UFL1: variants seen among roughly 807,000 people sequenced by gnomAD.
UFL1 encodes E3 UFM1-protein ligase 1.
In UFL1, 78 loss-of-function variants were observed where a neutral mutation model predicts 99.3. The ratio of observed to expected loss-of-function variants is 0.79; its 90% CI spans 0.65 to 0.95. The LOEUF (loss-of-function observed/expected upper bound fraction) is 0.95, where lower values mean the gene tolerates loss of function less well. Ranked by LOEUF, UFL1 falls within the 40% of genes least tolerant of loss-of-function variation. The pLI is 0.00. For synonymous variants in UFL1, 335 were observed against 322.2 expected, an observed-to-expected ratio of 1.04 and a Z score of -0.42; for missense variants, 936 against 937.0, an observed-to-expected ratio of 1.00 and a Z score of 0.01.
intron 6 of UFL1, among the ~76,000 whole-genome samples, chr6:96,529,382 C>A (rs1208091306): frequency 6.6e-6 from 1 of 152,116 alleles, no homozygotes; most frequent in African/African-American, 2.4e-5. Context: ...TTAAAGTGAA[C>A]CTTCTCAACA....
At chr6:96,543,452 G>A (rs1294619635) in intron 12 of UFL1, among the ~76,000 whole-genome samples, 2 of 151,172 alleles carry the variant, frequency 1.3e-5, no homozygotes, top group Admixed American at 1.3e-4. Context: ...TACAGAAATG[G>A]ATAATCAAAA....
In UFL1 at chr6:96,528,642, T is replaced by G; in HGVS notation, c.596+10T>G. On this transcript the variant is annotated intron_variant, in intron 6 of 18. Transcript: ENST00000369278. ...TCAGTGCTATTACCCGGTAAGTATA[T>G]TTTAAAGTATATATATTTGCACATT... 6.2e-7 allele frequency: 1 copy of G among 1,605,038 alleles called. No homozygotes were observed. Among genetic ancestry groups the G allele is most frequent in the East Asian group, 2.2e-5 (1 of 44,794 alleles).
In UFL1 at chr6:96,549,405, T is replaced by C; in HGVS notation, c.1521-7T>C. 6.3e-7 allele frequency: 1 copy of C among 1,584,042 alleles called. No homozygotes were observed. The highest frequency in any genetic ancestry group is 1.2e-5 in the South Asian group (1 of 85,210). On this transcript the variant is annotated splice_polypyrimidine_tract_variant and splice_region_variant and intron_variant, in intron 13 of 18. Transcript: ENST00000369278. The stretch of plus-strand genomic sequence containing the variant: ...TAATAAACTAAATATATTTGTCTTA[T>C]GCACAGACCTCTTAATAAAACTTAT...
chr6:96,534,404 C>T, intron 7 of UFL1, 83 bp downstream of exon 7: 2 of 1,114,376 alleles, frequency 1.8e-6, no homozygotes, highest in South Asian at 3.6e-5. Flanking sequence ...AATGTTTTTT[C>T]CTCTTTTATT....
chr6:96,526,665 C>G (rs1232451905), intron 5 of UFL1, among the ~76,000 whole-genome samples: 3 of 152,134 alleles, frequency 2.0e-5, no homozygotes, highest in Non-Finnish European at 4.4e-5. Context: ...CCAAGAGACA[C>G]CCTAAAACTA....
At chr6:96,537,724 C>T (rs1401726834) in intron 9 of UFL1, among the ~76,000 whole-genome samples, 175 bp downstream of exon 9, 1 of 151,792 alleles carries the variant, frequency 6.6e-6, no homozygotes, top group Non-Finnish European at 1.5e-5. Context: ...TGACCTTCTA[C>T]ATGTGGACAG....
At chr6:96,530,460 T>C (rs970371514) in intron 6 of UFL1, among the ~76,000 whole-genome samples, 4 of 152,214 alleles carry the variant, frequency 2.6e-5, no homozygotes, top group Non-Finnish European at 5.9e-5. Context: ...TTGTTTTCCT[T>C]TGTAACTAAT....
chr6:96,537,143 C>T (rs905103221), intron 8 of UFL1, among the ~76,000 whole-genome samples: 5 of 151,670 alleles, frequency 3.3e-5, no homozygotes, highest in African/African-American at 2.4e-5. Flanking sequence ...TTTTTCCTTA[C>T]GTTTTCTTGA....
chr6:96,534,231 A>C, intron 6 of UFL1, 32 bp from the exon 7 acceptor site: 1 of 1,361,010 alleles, frequency 7.3e-7, no homozygotes, highest in Non-Finnish European at 9.9e-7. Flanking sequence ...ATAATGAGTA[A>C]GAAGTTTTTT....
Position 96,536,294 on chromosome 6 carries a change from G to T in UFL1, c.706G>T (p.Gly236Cys), listed in dbSNP as rs1769852127. The T allele has an allele frequency of 1.2e-6, 2 of 1,610,960 alleles. No individual in the cohort carries two copies. The highest frequency in any genetic ancestry group is 2.7e-5 in the African/African-American group (2 of 74,774). The change falls in exon 8 of 19, where the codon GGT (glycine) becomes TGT (cysteine). Residue 236 changes from glycine (G) to cysteine (C), a missense_variant. Coordinates refer to ENST00000369278, the MANE Select transcript of UFL1 (RefSeq NM_015323.5). ...CGGACGCTTACGAGGCACTGTGGTT[G>T]GTGGGAGACAGGATAAAGCTGTGTT... Reference protein sequence around the residue: ...NSGRLRGTVVGGRQDKAVFVP... With the variant: ...NSGRLRGTVVCGRQDKAVFVP...
At position 96,528,365 on chromosome 6, in the gene UFL1, G is replaced by T. The variant is rs1769731888; in HGVS notation, c.466-137G>T. The T allele has an allele frequency of 1.7e-5, 17 of 1,029,586 alleles. No homozygotes were observed. In the South Asian group the frequency reaches 3.3e-4, roughly 20 times the overall value. 63.8% of individuals were successfully genotyped at this position (1,029,586 alleles called of 1,614,324 possible). A position where few individuals can be genotyped will look rare whatever the true frequency, so the allele number is the denominator to read the frequency against. ...ATCTTCACTTTAGTTGATATATCTTGTAATCTATGCTTGTTGAAACTTCTC... is the reference window on the plus strand; with the variant it reads ...ATCTTCACTTTAGTTGATATATCTTTTAATCTATGCTTGTTGAAACTTCTC... On this transcript the variant is annotated intron_variant, in intron 5 of 18. Transcript: ENST00000369278.
At position 96,524,127 on chromosome 6, in the gene UFL1, T is replaced by C. The variant is rs1265041036; in HGVS notation, c.224-255T>C. On this transcript the variant is annotated intron_variant, in intron 2 of 18. Coordinates refer to ENST00000369278, the MANE Select transcript of UFL1 (RefSeq NM_015323.5). The stretch of plus-strand genomic sequence containing the variant: ...AATACCCTTCATAGATAGAGCCAAT[T>C]TGTGTGCCAGTTGGTGCTCATAATT... Among the ~76,000 whole-genome samples, 17 of 152,116 alleles carry C rather than the reference T, an allele frequency of 1.1e-4. No homozygotes were observed. In the East Asian group the frequency reaches 2.5e-3, roughly 22 times the overall value.
chr6:96,548,483 A>C (rs1246828281), intron 13 of UFL1, among the ~76,000 whole-genome samples: 1 of 151,596 alleles, frequency 6.6e-6, no homozygotes, highest in Non-Finnish European at 1.5e-5. Flanking sequence ...GCTTTGGGTA[A>C]AGCAGTATGG....
In UFL1 at chr6:96,553,475, C is replaced by G. The variant is rs756335886; in HGVS notation, c.2357C>G (p.Ser786Cys). 1 of 1,613,506 alleles carries G rather than the reference C, an allele frequency of 6.2e-7. No individual in the cohort carries two copies. The highest frequency in any genetic ancestry group is 8.5e-7 in the Non-Finnish European group (1 of 1,179,690). The change falls in exon 19 of 19, where the codon TCT becomes TGT. Residue 786 changes from serine to cysteine, a missense_variant. By Grantham distance (112) the Ser-to-Cys change is moderately radical (BLOSUM62 -1). Transcript: ENST00000369278. Reference protein sequence around the residue: ...SSSIKDLVLKSRKSSVTEE With the variant: ...SSSIKDLVLKCRKSSVTEE ...TCCATTAAAGACCTTGTTCTCAAAT[C>G]TAGGAAATCATCTGTGACGGAAGAG...
intron 11 of UFL1, 46 bp downstream of exon 11, chr6:96,540,701 C>T: frequency 6.4e-7 from 1 of 1,570,142 alleles, no homozygotes. Flanking sequence ...GTATTTGTTG[C>T]AGTGAACTTT....
Position 96,536,233 on chromosome 6 carries a change from T to G in UFL1, c.656-11T>G. 6.2e-7 allele frequency: 1 copy of G among 1,603,034 alleles called. No individual in the cohort carries two copies. Among genetic ancestry groups the G allele is most frequent in the Non-Finnish European group, 8.5e-7 (1 of 1,172,796 alleles). On this transcript the variant is annotated splice_polypyrimidine_tract_variant and intron_variant, in intron 7 of 18. Transcript: ENST00000369278. ...TCTGATTTATTTGTATTCATGTGGGTTTGTTTTAAGCTGTGCTTGAGGAAC... is the reference window on the plus strand; with the variant it reads ...TCTGATTTATTTGTATTCATGTGGGGTTGTTTTAAGCTGTGCTTGAGGAAC...
rs371128914 is a variant in UFL1, at chr6:96,551,517, A to C, written c.1899+4A>C. The C allele has an allele frequency of 2.0e-6, 3 of 1,509,260 alleles. No individual in the cohort carries two copies. Among genetic ancestry groups the C allele is most frequent in the African/African-American group, 1.4e-5 (1 of 69,362 alleles). 93.5% of individuals were successfully genotyped at this position (1,509,260 alleles called of 1,614,324 possible). The stretch of plus-strand genomic sequence containing the variant: ...CCATAACTCTCTGAATGAAAAGGTA[A>C]GTAAAGTTTTATTCTATTTACATGT... On this transcript the variant is annotated splice_donor_region_variant and intron_variant, in intron 16 of 18. Coordinates refer to ENST00000369278, the MANE Select transcript of UFL1 (RefSeq NM_015323.5).
chr6:96,537,141 T>TA (rs946541590), intron 8 of UFL1, among the ~76,000 whole-genome samples: 8 of 151,924 alleles, frequency 5.3e-5, no homozygotes, highest in Non-Finnish European at 8.8e-5. Flanking sequence ...GTTTTTTCCT[T>TA]ACGTTTTCTT....
chr6:96,524,291 T>A (rs1249346973), intron 2 of UFL1, 91 bp from the exon 3 acceptor site: 2 of 1,255,948 alleles, frequency 1.6e-6, no homozygotes, highest in Non-Finnish European at 2.2e-6. Flanking sequence ...TATGCAGGAC[T>A]TTGACCAAAA....
Sources: gnomAD v4.1 joint callset for allele counts (sites outside exome capture counted in the v4.1 genomes callset) on GRCh38, gnomAD v4.1.1 for gene constraint, MANE v1.5 for transcripts, NCBI Gene and HGNC (gene_info 2026-07-23, HGNC 2026-07-21) for gene names.